ARHGEF10: variants seen among roughly 807,000 people sequenced by gnomAD.
The protein encoded by ARHGEF10 is Rho guanine nucleotide exchange factor 10.
In ARHGEF10, 140 loss-of-function variants were observed where a neutral mutation model predicts 147.4. The ratio of observed to expected loss-of-function variants is 0.95; its 90% CI spans 0.83 to 1.09. The LOEUF (loss-of-function observed/expected upper bound fraction) is 1.09. ARHGEF10 is among the 50% of genes least tolerant of loss of function. The pLI is 0.00. For missense variants in ARHGEF10, 2,222 were observed against 1,752.7 expected, an observed-to-expected ratio of 1.27 and a Z score of -4.78; for synonymous variants, 902 against 695.8, an observed-to-expected ratio of 1.30 and a Z score of -4.67.
At chr8:1,893,687 A>T in intron 12 of ARHGEF10, 41 bp downstream of exon 12, 4 of 1,391,622 alleles carry the variant, frequency 2.9e-6, no homozygotes, top group Non-Finnish European at 4.1e-6. Context: ...CATTTCTATT[A>T]TTCTTTTTTA....
intron 18 of ARHGEF10, among the ~76,000 whole-genome samples, chr8:1,921,783 G>C (rs142544241): frequency 7.0e-4 from 106 of 152,094 alleles, no homozygotes; most frequent in African/African-American, 2.4e-3. Context: ...GTCCACATCC[G>C]AGCCTGAGAC....
At chr8:1,942,187 C>T (rs941744702) in intron 26 of ARHGEF10, among the ~76,000 whole-genome samples, 10 of 149,818 alleles carry the variant, frequency 6.7e-5, no homozygotes, top group African/African-American at 2.5e-4. Flanking sequence ...AGACAACCCA[C>T]AGAGTGGGAG....
chr8:1,874,852 A>G (rs1370194937), intron 7 of ARHGEF10, among the ~76,000 whole-genome samples: 6 of 104,786 alleles, frequency 5.7e-5, no homozygotes, highest in African/African-American at 2.3e-4. Context: ...TGTAGGGGGT[A>G]GAGGTTCTAA....
At chr8:1,950,730 G>GTTTTTTTTTTTTTTTTTTTTT (rs71211528) in intron 27 of ARHGEF10, among the ~76,000 whole-genome samples, 2 of 108,456 alleles carry the variant, frequency 1.8e-5, no homozygotes, top group South Asian at 3.1e-4. Context: ...TGTTTTTTAG[G>GTTTTTTTTTTTTTTTTTTTTT]TTTTTTTTTT....
rs750238785 is a variant in ARHGEF10 at position 1,948,815 on chromosome 8, G to C, written c.3397+3160G>C. ...ATTATTGCATTTCATGCTGTATTTA[G>C]ACATTCCGGTGGGGGCATGCTCATA... On this transcript the variant is annotated intron_variant, in intron 27 of 28. Transcript: ENST00000349830. This position sits in a 1 kb window ranked among gnomAD's most constrained non-coding sequence, Gnocchi z 4.9. Among the ~76,000 whole-genome samples, 1 of 152,064 alleles carries C rather than the reference G, an allele frequency of 6.6e-6. No individual in the cohort carries two copies. The highest frequency in any genetic ancestry group is 1.5e-5 in the Non-Finnish European group (1 of 68,022).
rs35698984 is a variant in ARHGEF10, at chr8:1,857,879, GATCTATCTATCTATCT to G, written c.38-48_38-33del. ...TGTCTCTGGCTAACATAGATCGATC[GATCTATCTATCTATCT>G]ATCTATCTATCTATCTATCTATCTA... On this transcript the variant is annotated intron_variant, in intron 2 of 28. Coordinates refer to ENST00000349830, the MANE Select transcript of ARHGEF10 (RefSeq NM_014629.4). 2,063 of 594,344 alleles carry G rather than the reference GATCTATCTATCTATCT, an allele frequency of 3.5e-3. 4 individuals are homozygous for G. Among genetic ancestry groups the G allele is most frequent in the Non-Finnish European group, 5.0e-3 (1,772 of 352,562 alleles). The allele number at this position is 594,344 out of a possible 1,614,324, so 36.8% of individuals were successfully genotyped here. A position where few individuals can be genotyped will look rare whatever the true frequency, so the allele number is the denominator to read the frequency against.
At chr8:1,945,811 C>A in intron 27 of ARHGEF10, 156 bp downstream of exon 27, 1 of 1,139,576 alleles carries the variant, frequency 8.8e-7, no homozygotes, top group Non-Finnish European at 1.3e-6. Context: ...CAGGGACAGA[C>A]GTGGGAGTAC....
In ARHGEF10 at chr8:1,841,360, C is replaced by T. The variant is rs1350858597; in HGVS notation, c.-47-1993C>T. ...GCCCTGAACGCACACTGATGAGCAGCGCCTCCAGGGCGATTTTGGAAAGCA... is the reference window on the plus strand; with the variant it reads ...GCCCTGAACGCACACTGATGAGCAGTGCCTCCAGGGCGATTTTGGAAAGCA... On this transcript the variant is annotated intron_variant, in intron 1 of 28. Transcript: ENST00000349830. Among the ~76,000 whole-genome samples the T allele has an allele frequency of 4.6e-5, 7 of 152,186 alleles. No individual in the cohort carries two copies. In the East Asian group the frequency reaches 1.3e-3, roughly 29 times the overall value.
chr8:1,874,849 G>A (rs1407180050), intron 7 of ARHGEF10, among the ~76,000 whole-genome samples: 5 of 128,454 alleles, frequency 3.9e-5, no homozygotes, highest in East Asian at 2.3e-4. Context: ...GCGTGTAGGG[G>A]GTAGAGGTTC....
chr8:1,883,189 T>A (rs1408221875), intron 10 of ARHGEF10, among the ~76,000 whole-genome samples: 2 of 152,130 alleles, frequency 1.3e-5, no homozygotes, highest in Non-Finnish European at 2.9e-5. Flanking sequence ...GTTCCAGGTT[T>A]TTCTAAACAT....
chr8:1,883,569 C>T (rs575202133), intron 10 of ARHGEF10, among the ~76,000 whole-genome samples: 92 of 152,294 alleles, frequency 6.0e-4, no homozygotes, highest in Non-Finnish European at 8.4e-4. Flanking sequence ...CATGGTGTAA[C>T]TCAGGAGGCC....
At chr8:1,914,512 C>A (rs972886130) in intron 18 of ARHGEF10, among the ~76,000 whole-genome samples, 1 of 152,242 alleles carries the variant, frequency 6.6e-6, no homozygotes, top group Non-Finnish European at 1.5e-5. Flanking sequence ...TACTTCTGGG[C>A]GGCAAGGGTC....
intron 10 of ARHGEF10, among the ~76,000 whole-genome samples, chr8:1,884,337 A>G (rs1291135223): frequency 6.6e-6 from 1 of 151,492 alleles, no homozygotes; most frequent in Non-Finnish European, 1.5e-5. Context: ...CGGAGCTTGC[A>G]GTGAGCCGAG....
At chr8:1,887,400 G>T (rs1366073996) in intron 11 of ARHGEF10, among the ~76,000 whole-genome samples, 1 of 152,214 alleles carries the variant, frequency 6.6e-6, no homozygotes, top group African/African-American at 2.4e-5. Context: ...GAGTGTGAAA[G>T]AGGCGATGCC....
In ARHGEF10 at chr8:1,841,330, A is replaced by C. The variant is rs12114706; in HGVS notation, c.-47-2023A>C. Among the ~76,000 whole-genome samples, 598 of 152,384 alleles carry C rather than the reference A, an allele frequency of 3.9e-3. 4 individuals carry two copies. The highest frequency in any genetic ancestry group is 0.014 in the African/African-American group (575 of 41,588). The stretch of plus-strand genomic sequence containing the variant: ...GCCTGCAGCCCAGGAGCCTGGATTC[A>C]GGCTGCCCTGAACGCACACTGATGA... On this transcript the variant is annotated intron_variant, in intron 1 of 28. Coordinates refer to ENST00000349830, the MANE Select transcript of ARHGEF10 (RefSeq NM_014629.4).
intron 27 of ARHGEF10, among the ~76,000 whole-genome samples, chr8:1,951,065 CG>C (rs1020380305): frequency 6.6e-6 from 1 of 152,134 alleles, no homozygotes. Context: ...CACGGAGGGC[CG>C]GGGAGGCCGG....
intron 27 of ARHGEF10, 197 bp downstream of exon 27, chr8:1,945,852 C>T (rs1006837319): frequency 2.8e-5 from 24 of 871,296 alleles, no homozygotes; most frequent in African/African-American, 5.0e-5. Flanking sequence ...TAGCGCTTCC[C>T]GGTGCAGGGC....
intron 2 of ARHGEF10, among the ~76,000 whole-genome samples, chr8:1,846,944 G>C (rs886642249): frequency 2.6e-5 from 4 of 152,178 alleles, no homozygotes; most frequent in African/African-American, 9.7e-5. Context: ...GTATTTTCAG[G>C]CTGCTGCTCG....
intron 2 of ARHGEF10, among the ~76,000 whole-genome samples, chr8:1,855,719 G>A (rs191310126): frequency 1.1e-3 from 164 of 152,150 alleles, no homozygotes; most frequent in African/African-American, 3.5e-3. Context: ...GATCATTTTC[G>A]TCACGGCATT....
Sources: gnomAD v4.1 joint callset for allele counts (sites outside exome capture counted in the v4.1 genomes callset) on GRCh38, gnomAD v4.1.1 for gene constraint, Gnocchi (gnomAD v3.1) non-coding constraint, MANE v1.5 for transcripts, NCBI Gene and HGNC (gene_info 2026-07-23, HGNC 2026-07-21) for gene names.